Variants in METTL6 observed in about 807,000 individuals in gnomAD.
METTL6 encodes the protein methyltransferase 6, tRNA N3-cytidine, also known as tRNA N(3)-cytidine methyltransferase METTL6.
In METTL6, 22 loss-of-function variants were observed where a neutral mutation model predicts 26.4. The observed-to-expected ratio is 0.83, with a 90% CI of 0.59 to 1.19. METTL6 has a LOEUF of 1.19. Among genes scored for constraint, METTL6 ranks in the 50% most tolerant of loss-of-function variants. The pLI is 0.00. For missense variants in METTL6, 304 were observed against 324.8 expected (o/e 0.94, Z 0.49); for synonymous variants, 109 against 116.2 (o/e 0.94, Z 0.40).
chr3:15,409,595 TCTAAA>T, downstream of METTL6, among the ~76,000 whole-genome samples: 1 of 152,018 alleles, frequency 6.6e-6, no homozygotes, highest in East Asian at 1.9e-4. Flanking sequence ...AAATTCTAAC[TCTAAA>T]CTAGACACCA....
downstream of METTL6, among the ~76,000 whole-genome samples, chr3:15,408,994 G>T (rs1051914179): frequency 6.6e-6 from 1 of 152,122 alleles, no homozygotes; most frequent in African/African-American, 2.4e-5. Context: ...TGCGGAGCTT[G>T]AGGCTGCTTC....
chr3:15,385,241 C>A (rs894351530), intron 6 of METTL6, among the ~76,000 whole-genome samples: 7 of 152,286 alleles, frequency 4.6e-5, no homozygotes, highest in African/African-American at 1.7e-4. Context: ...ATACAAAGAA[C>A]AACATATGCC....
In METTL6 at chr3:15,411,027, G is replaced by T. The variant is rs1484374320; in HGVS notation, c.*229C>A. On this transcript the variant is annotated 3_prime_UTR_variant, in exon 6 of 6. Coordinates refer to ENST00000383790, the MANE Select transcript of METTL6 (RefSeq NM_152396.4). ...CTTGCCTCAGCCTCCTGAGTAGCTG[G>T]GATTACAGGCACTCGCCACTATGCC... The T allele has an allele frequency of 1.9e-5, 8 of 419,170 alleles. No individual in the cohort carries two copies. The highest frequency in any genetic ancestry group is 1.6e-4 in the African/African-American group (8 of 48,728). The allele number at this position is 419,170 out of a possible 1,614,324, so 26.0% of individuals were successfully genotyped here. A position where few individuals can be genotyped will look rare whatever the true frequency, so the allele number is the denominator to read the frequency against.
chr3:15,399,653 T>C (rs911088519), intron 6 of METTL6, among the ~76,000 whole-genome samples: 16 of 151,482 alleles, frequency 1.1e-4, no homozygotes, highest in Admixed American at 2.6e-4. Flanking sequence ...ATTAAATAAA[T>C]AGTTCAAGTA....
chr3:15,415,107 G>T (rs1700140563), intron 4 of METTL6, among the ~76,000 whole-genome samples: 1 of 152,124 alleles, frequency 6.6e-6, no homozygotes, highest in Non-Finnish European at 1.5e-5. Flanking sequence ...ATTCAGGTTG[G>T]TTTTCCTCAT....
chr3:15,402,594 C>A (rs112740240), intron 6 of METTL6, among the ~76,000 whole-genome samples: 77 of 151,922 alleles, frequency 5.1e-4, no homozygotes, highest in African/African-American at 1.4e-3. Context: ...ATTAAGCAGG[C>A]GTGGTGGCAC....
chr3:15,400,237 C>T (rs963308450), intron 6 of METTL6, among the ~76,000 whole-genome samples: 1 of 152,090 alleles, frequency 6.6e-6, no homozygotes, highest in African/African-American at 2.4e-5. Flanking sequence ...GCACCCCCAC[C>T]AAGTGCAGCA....
At position 15,397,224 on chromosome 3, in the gene METTL6, G is replaced by C. The variant is rs191203459; in HGVS notation, c.*12-13037C>G. Among the ~76,000 whole-genome samples the C allele has an allele frequency of 5.5e-3, 844 of 152,276 alleles. 7 individuals carry two copies. The highest frequency in any genetic ancestry group is 0.018 in the African/African-American group (758 of 41,548). On this transcript the variant is annotated intron_variant, in intron 6 of 6. Transcript: ENST00000443029. ...CAGCCTCACTGCTGCCTTGCAGTTC[G>C]ATCTCAGACTGCTGTGCTAGCAATG...
At chr3:15,416,730 T>C (rs1342537438) in intron 3 of METTL6, among the ~76,000 whole-genome samples, 2 of 152,232 alleles carry the variant, frequency 1.3e-5, no homozygotes, top group Non-Finnish European at 2.9e-5. Context: ...GTGTTCCTGG[T>C]ACATTTTGGT....
At chr3:15,404,083 C>T (rs193008618) in intron 6 of METTL6, among the ~76,000 whole-genome samples, 17 of 152,254 alleles carry the variant, frequency 1.1e-4, no homozygotes, top group East Asian at 7.7e-4. Flanking sequence ...CCTCCTATCT[C>T]GTCCTATGAC....
chr3:15,418,605 A>G (rs181086474), intron 3 of METTL6, among the ~76,000 whole-genome samples: 2 of 152,356 alleles, frequency 1.3e-5, no homozygotes, highest in African/African-American at 4.8e-5. Flanking sequence ...GGGAGAAGAG[A>G]GAACAAGAGC....
At chr3:15,408,559 G>GT (rs1699862531), downstream of METTL6, among the ~76,000 whole-genome samples, 3 of 46,342 alleles carry the variant, frequency 6.5e-5, no homozygotes, top group African/African-American at 3.3e-4. Context: ...ACTGCTCCTT[G>GT]CTCTTTTTTT....
chr3:15,409,595 T>G (rs1363574404), downstream of METTL6, among the ~76,000 whole-genome samples: 1 of 152,018 alleles, frequency 6.6e-6, no homozygotes. Context: ...AAATTCTAAC[T>G]CTAAACTAGA....
chr3:15,406,611 TATATATATATATATATATAGAGAG>T (rs1434935190), downstream of METTL6, among the ~76,000 whole-genome samples: 270 of 80,614 alleles, frequency 3.3e-3, no homozygotes, highest in African/African-American at 0.013. Flanking sequence ...TATATATATA[TATATATATATATATATATAGAGAG>T]AGAGAGAGAG....
At chr3:15,413,699 G>A (rs1304513507) in intron 5 of METTL6, 85 of 1,260,692 alleles carry the variant, frequency 6.7e-5, no homozygotes, top group Non-Finnish European at 8.2e-5. Flanking sequence ...ATTTTTAACT[G>A]GACAAGAAGT....
chr3:15,383,968 CA>C (rs1475166131), exon 7 of METTL6: 3 of 251,782 alleles, frequency 1.2e-5, no homozygotes, highest in African/African-American at 2.4e-5. Context: ...ATCTCTCCTG[CA>C]AGTCCACACA....
chr3:15,394,367 A>G (rs1180593139), intron 6 of METTL6, among the ~76,000 whole-genome samples: 5 of 151,850 alleles, frequency 3.3e-5, no homozygotes, highest in Non-Finnish European at 7.4e-5. Context: ...TTTTTATTGC[A>G]TCTATTTGAT....
chr3:15,415,104 T>C (rs576584355), intron 4 of METTL6, among the ~76,000 whole-genome samples: 2 of 152,248 alleles, frequency 1.3e-5, no homozygotes, highest in South Asian at 2.1e-4. Flanking sequence ...CTGATTCAGG[T>C]TGGTTTTCCT....
rs910364118 is a variant in METTL6, at chr3:15,410,290, C to T, written c.*966G>A. Reference sequence around the variant, plus strand: ...AAAAAGAACAACTTTAACAATATACCGTAATAAAAGTTATGTGAATGTGAT... The same window carrying T: ...AAAAAGAACAACTTTAACAATATACTGTAATAAAAGTTATGTGAATGTGAT... On this transcript the variant is annotated 3_prime_UTR_variant, in exon 6 of 6. Coordinates refer to ENST00000383790, the MANE Select transcript of METTL6 (RefSeq NM_152396.4). 3.3e-5 allele frequency among the ~76,000 whole-genome samples: 5 copies of T among 151,944 alleles called. No individual in the cohort carries two copies. Among genetic ancestry groups the T allele is most frequent in the African/African-American group, 9.7e-5 (4 of 41,370 alleles).
Sources: gnomAD v4.1 joint callset for allele counts (sites outside exome capture counted in the v4.1 genomes callset) on GRCh38, gnomAD v4.1.1 for gene constraint, MANE v1.5 for transcripts, NCBI Gene and HGNC (gene_info 2026-07-23, HGNC 2026-07-21) for gene names.